Variants in IQCE observed in about 807,000 individuals in gnomAD.
IQCE encodes the protein IQ domain-containing protein E.
Under a neutral mutation model 96.0 loss-of-function variants are expected in IQCE, and 115 were observed. The ratio of observed to expected loss-of-function variants is 1.20; its 90% CI spans 1.03 to 1.40. IQCE has a LOEUF of 1.40. IQCE is among the 40% of genes most tolerant of loss of function. The pLI is 0.00. For missense variants in IQCE, 1,041 were observed against 909.1 expected (o/e 1.15, Z -1.87); for synonymous variants, 412 against 371.2 (o/e 1.11, Z -1.26).
At chr7:2,564,115 G>C (rs1022209363) in intron 1 of IQCE, among the ~76,000 whole-genome samples, 1 of 152,046 alleles carries the variant, frequency 6.6e-6, no homozygotes, top group Non-Finnish European at 1.5e-5. Context: ...AGGAGGCTGA[G>C]GCAGGAGAAT....
chr7:2,585,910 A>T (rs1783067705), intron 11 of IQCE, among the ~76,000 whole-genome samples: 1 of 152,214 alleles, frequency 6.6e-6, no homozygotes, highest in East Asian at 1.9e-4. Flanking sequence ...GCGTAACAAG[A>T]TGCCTTTCCA....
At chr7:2,589,353 C>T (rs1783391752) in intron 13 of IQCE, among the ~76,000 whole-genome samples, 2 of 151,940 alleles carry the variant, frequency 1.3e-5, no homozygotes, top group Admixed American at 6.5e-5. Flanking sequence ...GAGCCAGACC[C>T]CGTCTCAAAA....
rs1003329284 is a variant in IQCE, at chr7:2,610,526, G to A, written c.*364G>A. 9 of 205,994 alleles carry A rather than the reference G, an allele frequency of 4.4e-5. No homozygotes were observed. Among genetic ancestry groups the A allele is most frequent in the African/African-American group, 1.9e-4 (8 of 42,834 alleles). The allele number at this position is 205,994 out of a possible 1,614,324, so 12.8% of individuals were successfully genotyped here. A position where few individuals can be genotyped will look rare whatever the true frequency, so the allele number is the denominator to read the frequency against. ...CCTTGACCGTGAGGAGCTGCTATCC[G>A]CAACCAGCGCCGACACCATGCCCCC... On this transcript the variant is annotated 3_prime_UTR_variant, in exon 22 of 22. Transcript: ENST00000402050.
At chr7:2,595,733 G>C (rs1783979460) in intron 16 of IQCE, among the ~76,000 whole-genome samples, 1 of 150,212 alleles carries the variant, frequency 6.7e-6, no homozygotes, top group Non-Finnish European at 1.5e-5. Flanking sequence ...GCCTGCACTT[G>C]CCTCCCTGGA....
chr7:2,581,382 T>A, intron 8 of IQCE, among the ~76,000 whole-genome samples: 1 of 151,888 alleles, frequency 6.6e-6, no homozygotes, highest in Non-Finnish European at 1.5e-5. Context: ...CTTTTTGTAT[T>A]TTTAGTAGAG....
intron 14 of IQCE, 25 bp from the exon 15 acceptor site, chr7:2,592,997 A>G (rs778364859): frequency 2.5e-6 from 4 of 1,571,808 alleles, no homozygotes; most frequent in Non-Finnish European, 3.5e-6. Flanking sequence ...GTGAACGCTG[A>G]CGAGTCTCCT....
At chr7:2,602,851 G>A (rs1426624211) in intron 18 of IQCE, among the ~76,000 whole-genome samples, 1 of 152,226 alleles carries the variant, frequency 6.6e-6, no homozygotes, top group Non-Finnish European at 1.5e-5. Flanking sequence ...CAGGCTCAGT[G>A]GCCTGCGCGC....
chr7:2,612,265 T>C lies in IQCE; in HGVS notation c.*2103T>C, dbSNP rs546197941. 1 of 152,402 alleles carries C rather than the reference T, an allele frequency of 6.6e-6. No homozygotes were observed. Among genetic ancestry groups the C allele is most frequent in the Admixed American group, 6.5e-5 (1 of 15,314 alleles). The allele number at this position is 152,402 out of a possible 1,614,324, so 9.4% of individuals were successfully genotyped here. On this transcript the variant is annotated 3_prime_UTR_variant, in exon 22 of 22. Transcript: ENST00000402050. ...GCTCTTTTAAAAGCCAGCATCCATC[T>C]TGAAGCTCGCTGGGTAAATGGCAAT... is the stretch of plus-strand genomic sequence containing the variant.
chr7:2,586,768 A>G (rs999915732), intron 12 of IQCE, among the ~76,000 whole-genome samples: 2 of 152,076 alleles, frequency 1.3e-5, no homozygotes, highest in African/African-American at 4.8e-5. Flanking sequence ...CGGGACCTGG[A>G]AGGGGCGAGA....
chr7:2,578,723 C>G (rs1352332559), intron 8 of IQCE, among the ~76,000 whole-genome samples, 197 bp downstream of exon 8: 1 of 152,146 alleles, frequency 6.6e-6, no homozygotes, highest in Non-Finnish European at 1.5e-5. Flanking sequence ...CCACAGAGGC[C>G]AAGCAAGACA....
chr7:2,560,294 G>C lies in IQCE; in HGVS notation c.36+1077G>C, dbSNP rs905045448. Among the ~76,000 whole-genome samples, 6 of 152,266 alleles carry C rather than the reference G, an allele frequency of 3.9e-5. No individual in the cohort carries two copies. The East Asian group carries it at 1.2e-3, about 29-fold the overall frequency. On this transcript the variant is annotated intron_variant, in intron 1 of 21. Coordinates refer to ENST00000402050, the MANE Select transcript of IQCE (RefSeq NM_152558.5). ...GGGACGCGGGCAAGGAGACTGAGCA[G>C]AAGATGGGCATGAGCCTGACTATGG...
intron 4 of IQCE, among the ~76,000 whole-genome samples, 159 bp downstream of exon 4, chr7:2,571,813 A>G (rs1781775088): frequency 6.6e-6 from 1 of 152,196 alleles, no homozygotes; most frequent in South Asian, 2.1e-4. Context: ...GTTTTATGTC[A>G]TGCATAAATG....
At chr7:2,562,409 T>C (rs914540838) in intron 1 of IQCE, among the ~76,000 whole-genome samples, 1 of 152,188 alleles carries the variant, frequency 6.6e-6, no homozygotes, top group Non-Finnish European at 1.5e-5. Flanking sequence ...TTTGTCTGCT[T>C]TTGGTATCAG....
At chr7:2,585,694 C>T (rs536150529) in intron 11 of IQCE, among the ~76,000 whole-genome samples, 5 of 152,364 alleles carry the variant, frequency 3.3e-5, no homozygotes, top group South Asian at 2.1e-4. Context: ...CAGCTGGGAA[C>T]GTGCGCGCCA....
rs190715490 is a variant in IQCE, at chr7:2,572,238, G to C, written c.306G>C (p.Ala102=). The C allele has an allele frequency of 1.2e-6, 2 of 1,614,162 alleles. No individual in the cohort carries two copies. Among genetic ancestry groups the C allele is most frequent in the East Asian group, 2.2e-5 (1 of 44,882 alleles). ...ALNSPLTWEH[A]WTGVPGGTPD... is the part of the protein sequence containing the mutation. Reference sequence around the variant, plus strand: ...ACTCACCCCTCACCTGGGAGCATGCGTGGACTGGCGTCCCCGGCGGCACTC... The same window carrying C: ...ACTCACCCCTCACCTGGGAGCATGCCTGGACTGGCGTCCCCGGCGGCACTC... Residue 102 remains alanine, a synonymous_variant, in exon 5 of 22, where the codon GCG becomes GCC. Transcript: ENST00000402050.
At chr7:2,598,054 A>T (rs1056892960) in intron 16 of IQCE, 1 of 158,000 alleles carries the variant, frequency 6.3e-6, no homozygotes, top group Non-Finnish European at 1.4e-5. Context: ...TATCAATCCC[A>T]GAAATCCCAT....
chr7:2,611,134 T>G lies in IQCE; in HGVS notation c.*972T>G, dbSNP rs567312011. ...ATGGCTGGGCTGGGCTGGGCTGGGC[T>G]GGGCTGGGCCGGGCGTGCGGAGCCT... On this transcript the variant is annotated 3_prime_UTR_variant, in exon 22 of 22. Coordinates refer to ENST00000402050, the MANE Select transcript of IQCE (RefSeq NM_152558.5). The G allele has an allele frequency of 3.1e-5, 4 of 130,654 alleles. No homozygotes were observed. The highest frequency in any genetic ancestry group is 6.5e-5 in the Non-Finnish European group (4 of 61,532). 8.1% of individuals were successfully genotyped at this position (130,654 alleles called of 1,614,324 possible).
In IQCE at chr7:2,610,440, C is replaced by T. The variant is rs1785056281; in HGVS notation, c.*278C>T. On this transcript the variant is annotated 3_prime_UTR_variant, in exon 22 of 22. Coordinates refer to ENST00000402050, the MANE Select transcript of IQCE (RefSeq NM_152558.5). ...AACAGACACATCTGCCGTGAACTCG[C>T]AGATGCCAGGGAGCCCTGTAGTGAC... 1 of 369,326 alleles carries T rather than the reference C, an allele frequency of 2.7e-6. No homozygotes were observed. The highest frequency in any genetic ancestry group is 5.0e-6 in the Non-Finnish European group (1 of 199,228). The allele number at this position is 369,326 out of a possible 1,614,324, so 22.9% of individuals were successfully genotyped here.
At chr7:2,599,016 A>G (rs1304704793) in intron 17 of IQCE, among the ~76,000 whole-genome samples, 1 of 151,796 alleles carries the variant, frequency 6.6e-6, no homozygotes, top group Non-Finnish European at 1.5e-5. Context: ...TCCTATTCAC[A>G]TTTCCCAAAT....
Sources: gnomAD v4.1 joint callset for allele counts (sites outside exome capture counted in the v4.1 genomes callset) on GRCh38, gnomAD v4.1.1 for gene constraint, MANE v1.5 for transcripts, NCBI Gene and HGNC (gene_info 2026-07-23, HGNC 2026-07-21) for gene names.